The following MAGI2 variants were observed in gnomAD, a reference collection of about 807,000 sequenced individuals.
MAGI2 encodes membrane associated guanylate kinase, WW and PDZ domain containing 2.
In MAGI2, 35 loss-of-function variants were observed where a neutral mutation model predicts 133.3. That is an observed-to-expected ratio of 0.26 (90% CI 0.20 to 0.35). The LOEUF (loss-of-function observed/expected upper bound fraction) is 0.35, where lower values mean the gene tolerates loss of function less well. MAGI2 is among the 10% of genes least tolerant of loss of function. The pLI is 1.00. For synonymous variants in MAGI2, 729 were observed against 710.6 expected (o/e 1.03, Z -0.41); for missense variants, 1,636 against 1,863.4 (o/e 0.88, Z 2.25).
At chr7:79,424,952 G>A (rs1246300788) in intron 1 of MAGI2, among the ~76,000 whole-genome samples, 3 of 151,972 alleles carry the variant, frequency 2.0e-5, no homozygotes, top group Non-Finnish European at 4.4e-5. Flanking sequence ...ATTTAACTAG[G>A]TACACTATTG....
At chr7:79,082,802 G>GTTGGGGGT (rs1816158319) in intron 1 of MAGI2, among the ~76,000 whole-genome samples, 1 of 151,730 alleles carries the variant, frequency 6.6e-6, no homozygotes, top group Non-Finnish European at 1.5e-5. Context: ...GGGTTGGGGG[G>GTTGGGGGT]TATTGCCTCT....
chr7:79,249,491 C>T (rs1833072486), intron 1 of MAGI2, among the ~76,000 whole-genome samples: 2 of 151,872 alleles, frequency 1.3e-5, no homozygotes, highest in African/African-American at 4.8e-5. Context: ...CATAGAAATT[C>T]AAAGGATCAT....
intron 2 of MAGI2, among the ~76,000 whole-genome samples, chr7:78,790,140 A>C (rs1193706079): frequency 6.6e-6 from 1 of 152,136 alleles, no homozygotes; most frequent in Non-Finnish European, 1.5e-5. Flanking sequence ...ACAAATGTAT[A>C]TTATCACTTT....
At chr7:78,069,361 G>A (rs1585002864) in intron 21 of MAGI2, among the ~76,000 whole-genome samples, 1 of 152,142 alleles carries the variant, frequency 6.6e-6, no homozygotes, top group Non-Finnish European at 1.5e-5. Context: ...TAGAGTCCTG[G>A]ACTGAACTGA....
At chr7:79,297,554 G>T (rs1247363340) in intron 1 of MAGI2, among the ~76,000 whole-genome samples, 1 of 152,090 alleles carries the variant, frequency 6.6e-6, no homozygotes, top group Non-Finnish European at 1.5e-5. Flanking sequence ...ATAACCTGCA[G>T]TCTACCCAGT....
intron 1 of MAGI2, among the ~76,000 whole-genome samples, chr7:79,118,313 C>A (rs1158058977): frequency 1.3e-5 from 2 of 152,158 alleles, no homozygotes; most frequent in Non-Finnish European, 2.9e-5. Flanking sequence ...GAGCACTCGA[C>A]TCTAGAAATA....
At position 78,057,439 on chromosome 7, in the gene MAGI2, T is replaced by A. The variant is rs139762667; in HGVS notation, c.3706+21508A>T. ...TTGTAATTTTAGCAGAGAAGGGGTT[T>A]CACCATGTTGGCCAGGCTGGTCTTG... On this transcript the variant is annotated intron_variant, in intron 21 of 21. Transcript: ENST00000354212. 6.4e-3 allele frequency among the ~76,000 whole-genome samples: 978 copies of A among 152,258 alleles called. 12 individuals are homozygous for A. The highest frequency in any genetic ancestry group is 0.023 in the African/African-American group (939 of 41,542).
intron 1 of MAGI2, among the ~76,000 whole-genome samples, chr7:79,021,555 G>T (rs1809333407): frequency 6.6e-6 from 1 of 152,190 alleles, no homozygotes; most frequent in South Asian, 2.1e-4. Context: ...AAGTTTGCAT[G>T]GGGCCGGTAG....
rs58800024 is a variant in MAGI2 at position 78,189,069 on chromosome 7, C to T, written c.2270-3399G>A. On this transcript the variant is annotated intron_variant, in intron 12 of 21. Coordinates refer to ENST00000354212, the MANE Select transcript of MAGI2 (RefSeq NM_012301.4). ...TCTGCTGTTAGGATGGGAGACAGTG[C>T]AAACTACAACTCTTGCTCACTAATA... Among the ~76,000 whole-genome samples, 607 of 152,278 alleles carry T rather than the reference C, an allele frequency of 4.0e-3. 1 individual carries two copies. The highest frequency in any genetic ancestry group is 0.014 in the African/African-American group (576 of 41,548).
At chr7:78,069,539 GGAGAGAGAGAGAGA>G (rs3840607) in intron 21 of MAGI2, among the ~76,000 whole-genome samples, 1 of 134,644 alleles carries the variant, frequency 7.4e-6, no homozygotes, top group South Asian at 2.6e-4. Context: ...GAAAGAGAGA[GGAGAGAGAGAGAGA>G]GAGAGAGAGA....
intron 1 of MAGI2, among the ~76,000 whole-genome samples, chr7:79,300,156 G>A (rs1020903928): frequency 6.6e-5 from 10 of 152,160 alleles, no homozygotes; most frequent in African/African-American, 2.4e-4. Context: ...CTGAAAATGT[G>A]GATGTGACTT....
In MAGI2 at chr7:79,447,993, A is replaced by G. The variant is rs1848980540; in HGVS notation, c.301+5027T>C. Among the ~76,000 whole-genome samples, 3 of 152,056 alleles carry G rather than the reference A, an allele frequency of 2.0e-5. No homozygotes were observed. The South Asian group carries it at 6.2e-4, about 32-fold the overall frequency. ...CTCTTAACTACAATGATGTATTAAT[A>G]TAAGAAGTATAAACTCCTAAACTTA... On this transcript the variant is annotated intron_variant, in intron 1 of 21. Transcript: ENST00000354212.
intron 2 of MAGI2, among the ~76,000 whole-genome samples, chr7:78,922,042 CTG>C (rs987630575): frequency 6.6e-6 from 1 of 152,030 alleles, no homozygotes; most frequent in African/African-American, 2.4e-5. Flanking sequence ...CTACGTTAGA[CTG>C]AGATTATCAC....
intron 1 of MAGI2, among the ~76,000 whole-genome samples, chr7:79,420,410 T>C (rs966838494): frequency 6.6e-6 from 1 of 152,062 alleles, no homozygotes; most frequent in African/African-American, 2.4e-5. Flanking sequence ...CAGCTTATTA[T>C]ACAACCCCGC....
intron 2 of MAGI2, among the ~76,000 whole-genome samples, chr7:78,911,233 T>C (rs1798375283): frequency 6.6e-6 from 1 of 151,510 alleles, no homozygotes; most frequent in African/African-American, 2.4e-5. Context: ...TGAGGGTGAC[T>C]TTTTTTTTCA....
At position 79,052,192 on chromosome 7, in the gene MAGI2, T is replaced by C. The variant is rs139198201; in HGVS notation, c.302-44986A>G. Among the ~76,000 whole-genome samples the C allele has an allele frequency of 5.3e-5, 8 of 151,914 alleles. No individual in the cohort carries two copies. The East Asian group carries it at 1.5e-3, about 29-fold the overall frequency. ...CATAATGTAGAGAGAAGAGCAGAGA[T>C]GACTCAGCAGGGGGAGGAAAAACAA... On this transcript the variant is annotated intron_variant, in intron 1 of 21. Transcript: ENST00000354212.
intron 3 of MAGI2, chr7:78,615,051 C>T (rs1036467460): frequency 1.3e-5 from 2 of 152,176 alleles, no homozygotes; most frequent in South Asian, 2.1e-4. Flanking sequence ...TCGCATTCCT[C>T]TGTCAACTTT....
chr7:78,891,019 G>A (rs984181779), intron 2 of MAGI2, among the ~76,000 whole-genome samples: 3 of 152,028 alleles, frequency 2.0e-5, no homozygotes, highest in African/African-American at 7.2e-5. Context: ...GAATCAAATA[G>A]ATGCAATAAA....
intron 1 of MAGI2, among the ~76,000 whole-genome samples, chr7:79,315,941 G>A (rs1481702030): frequency 3.3e-5 from 5 of 152,148 alleles, no homozygotes; most frequent in African/African-American, 7.2e-5. Context: ...GTAGGAGGCA[G>A]GTCAAGGCTG....
Sources: allele counts gnomAD v4.1 joint callset (sites outside exome capture counted in the v4.1 genomes callset), GRCh38; gene constraint gnomAD v4.1.1; transcripts MANE v1.5; gene names NCBI Gene and HGNC (gene_info 2026-07-23, HGNC 2026-07-21).